Variants in CSNK1A1L observed in about 807,000 individuals in gnomAD.
CSNK1A1L encodes casein kinase 1 alpha 1 like, also known as casein kinase I isoform alpha-like.
Under a neutral mutation model 24.6 loss-of-function variants are expected in CSNK1A1L, and 20 were observed. That is an observed-to-expected ratio of 0.81 (90% CI 0.57 to 1.18). The LOEUF is 1.18. Among genes scored for constraint, CSNK1A1L ranks in the 50% most tolerant of loss-of-function variants. The probability of loss-of-function intolerance (pLI) is 0.00; values close to 1 mark genes in which losing one functional copy is unlikely to be tolerated. For missense variants in CSNK1A1L, 414 were observed against 419.0 expected, an observed-to-expected ratio of 0.99 and a Z score of 0.10; for synonymous variants, 152 against 154.0, an observed-to-expected ratio of 0.99 and a Z score of 0.09.
Position 37,105,252 on chromosome 13 carries a change from G to T in CSNK1A1L, c.5C>A (p.Thr2Lys). M[T>K]NNSGSKAELV... Reference sequence around the variant, plus strand: ...TTCGGCTTTGGAGCCGCTGTTGTTTGTCATCCTGAGAGGCAAAGATGGAGG... The same window carrying T: ...TTCGGCTTTGGAGCCGCTGTTGTTTTTCATCCTGAGAGGCAAAGATGGAGG... Residue 2 changes from threonine to lysine, a missense_variant, in exon 1 of 1, where the codon ACA (threonine) becomes AAA (lysine). Physicochemically the swap from Thr to Lys is moderately conservative, Grantham distance 78. Transcript: ENST00000379800. 1.2e-6 allele frequency: 2 copies of T among 1,612,448 alleles called. No individual in the cohort carries two copies. Among genetic ancestry groups the T allele is most frequent in the South Asian group, 1.1e-5 (1 of 90,780 alleles).
In CSNK1A1L at chr13:37,103,898, A is replaced by G. The variant is rs934179677; in HGVS notation, c.*345T>C. 1 of 347,700 alleles carries G rather than the reference A, an allele frequency of 2.9e-6. No homozygotes were observed. The highest frequency in any genetic ancestry group is 4.5e-5 in the Admixed American group (1 of 22,320). The allele number at this position is 347,700 out of a possible 1,614,324, so 21.5% of individuals were successfully genotyped here. A position where few individuals can be genotyped will look rare whatever the true frequency, so the allele number is the denominator to read the frequency against. ...ATGATATCTCAAAGCAGTCTAGTTCAAAATAAAAGGTTTTAACAAAAAATT... is the reference window on the plus strand; with the variant it reads ...ATGATATCTCAAAGCAGTCTAGTTCGAAATAAAAGGTTTTAACAAAAAATT... On this transcript the variant is annotated 3_prime_UTR_variant, in exon 1 of 1. Coordinates refer to ENST00000379800, the MANE Select transcript of CSNK1A1L (RefSeq NM_145203.6).
rs143150350 is a variant in CSNK1A1L, at chr13:37,105,018, C to T, written c.239G>A (p.Gly80Asp). 1.2e-6 allele frequency: 2 copies of T among 1,614,084 alleles called. No individual in the cohort carries two copies. The highest frequency in any genetic ancestry group is 1.7e-5 in the Admixed American group (1 of 60,012). The change falls in exon 1 of 1, where the codon GGT (glycine) becomes GAT (aspartate). Residue 80 changes from glycine to aspartate, a missense_variant. Physicochemically the swap from Gly to Asp is moderately conservative, Grantham distance 94. Transcript: ENST00000379800. ...GVGIPHMHWY[G>D]QEKDNNVLVM... ...TAGCACATTGTTGTCTTTTTCCTGA[C>T]CATACCAGTGCATGTGGGGGATGCC...
At position 37,103,441 on chromosome 13, in the gene CSNK1A1L, T is replaced by C. The variant is rs1256655082; in HGVS notation, c.*802A>G. ...CAGATTTTAGTGAACTTGTAAAACATAAAAGCTCCCATTTCAAAATATGAA... is the reference window on the plus strand; with the variant it reads ...CAGATTTTAGTGAACTTGTAAAACACAAAAGCTCCCATTTCAAAATATGAA... On this transcript the variant is annotated 3_prime_UTR_variant, in exon 1 of 1. Coordinates refer to ENST00000379800, the MANE Select transcript of CSNK1A1L (RefSeq NM_145203.6). 6.6e-6 allele frequency: 1 copy of C among 152,420 alleles called. No individual in the cohort carries two copies. The highest frequency in any genetic ancestry group is 2.4e-5 in the African/African-American group (1 of 41,448). 9.4% of individuals were successfully genotyped at this position (152,420 alleles called of 1,614,324 possible).
rs913283130 is a variant in CSNK1A1L at position 37,103,767 on chromosome 13, C to T, written c.*476G>A. On this transcript the variant is annotated 3_prime_UTR_variant, in exon 1 of 1. Transcript: ENST00000379800. ...AGAAGCCAACCATTTTAAGAATGCT[C>T]TTTATGTGAACAATTTGCAAACCCC... The T allele has an allele frequency of 1.1e-5, 2 of 177,402 alleles. No individual in the cohort carries two copies. The highest frequency in any genetic ancestry group is 2.4e-5 in the Non-Finnish European group (2 of 82,204). The allele number at this position is 177,402 out of a possible 1,614,324, so 11.0% of individuals were successfully genotyped here. A position where few individuals can be genotyped will look rare whatever the true frequency, so the allele number is the denominator to read the frequency against.
rs1278935418 is a variant in CSNK1A1L at position 37,103,545 on chromosome 13, T to G, written c.*698A>C. On this transcript the variant is annotated 3_prime_UTR_variant, in exon 1 of 1. Coordinates refer to ENST00000379800, the MANE Select transcript of CSNK1A1L (RefSeq NM_145203.6). The stretch of plus-strand genomic sequence containing the variant: ...TACATACATGTTCAGTTGTAAGATG[T>G]TAACTAAATTTCTGTGACAAATATG... 1 of 153,324 alleles carries G rather than the reference T, an allele frequency of 6.5e-6. No individual in the cohort carries two copies. The highest frequency in any genetic ancestry group is 1.5e-5 in the Non-Finnish European group (1 of 68,612). The allele number at this position is 153,324 out of a possible 1,614,324, so 9.5% of individuals were successfully genotyped here.
chr13:37,105,664 A>C lies in CSNK1A1L; in HGVS notation c.-408T>G. On this transcript the variant is annotated 5_prime_UTR_variant, in exon 1 of 1. Transcript: ENST00000379800. The stretch of plus-strand genomic sequence containing the variant: ...GTTCCTCCACCTCAGCCAACCACAA[A>C]TCGAGAATTTTTGGAGAAGCTGTTA... 3.1e-5 allele frequency: 6 copies of C among 191,144 alleles called. No individual in the cohort carries two copies. The highest frequency in any genetic ancestry group is 1.6e-4 in the East Asian group (1 of 6,248). 11.8% of individuals were successfully genotyped at this position (191,144 alleles called of 1,614,324 possible). A position where few individuals can be genotyped will look rare whatever the true frequency, so the allele number is the denominator to read the frequency against.
In CSNK1A1L at chr13:37,105,549, G is replaced by T; in HGVS notation, c.-293C>A. 1 of 371,442 alleles carries T rather than the reference G, an allele frequency of 2.7e-6. No individual in the cohort carries two copies. The allele number at this position is 371,442 out of a possible 1,614,324, so 23.0% of individuals were successfully genotyped here. On this transcript the variant is annotated 5_prime_UTR_variant, in exon 1 of 1. Coordinates refer to ENST00000379800, the MANE Select transcript of CSNK1A1L (RefSeq NM_145203.6). ...GCGATGTCGTGGGCTGAGAAAGGGG[G>T]CACAGCGAGTTGGGGCAGCAGTACT...
In CSNK1A1L at chr13:37,105,336, G is replaced by A. The variant is rs535702378; in HGVS notation, c.-80C>T. On this transcript the variant is annotated 5_prime_UTR_variant, in exon 1 of 1. Transcript: ENST00000379800. ...GGAGGCCTCCGGGGCCCACCGGCCCGCAAGGCTGAGGATGAGGGCTGCTGG... is the reference window on the plus strand; with the variant it reads ...GGAGGCCTCCGGGGCCCACCGGCCCACAAGGCTGAGGATGAGGGCTGCTGG... 136 of 1,472,898 alleles carry A rather than the reference G, an allele frequency of 9.2e-5. No individual in the cohort carries two copies. The highest frequency in any genetic ancestry group is 1.1e-4 in the Non-Finnish European group (121 of 1,088,644). 91.2% of individuals were successfully genotyped at this position (1,472,898 alleles called of 1,614,324 possible).
In CSNK1A1L at chr13:37,105,282, G is replaced by A. The variant is rs758071668; in HGVS notation, c.-26C>T. 30 of 1,601,206 alleles carry A rather than the reference G, an allele frequency of 1.9e-5. No individual in the cohort carries two copies. Among genetic ancestry groups the A allele is most frequent in the Non-Finnish European group, 2.5e-5 (29 of 1,173,422 alleles). ...CCTGAGAGGCAAAGATGGAGGCTGG[G>A]CTCAGCCCTGACCCCTCTAGGGGAG... On this transcript the variant is annotated 5_prime_UTR_variant, in exon 1 of 1. Transcript: ENST00000379800.
chr13:37,104,201 G>T lies in CSNK1A1L; in HGVS notation c.*42C>A, dbSNP rs778522002. 12 of 1,612,166 alleles carry T rather than the reference G, an allele frequency of 7.4e-6. 1 individual carries two copies. In the South Asian group the frequency reaches 1.1e-4, roughly 15 times the overall value. ...CTAGATGTGGGGAGAAACAAATGCT[G>T]CTCGAATCATCTGCTCTGCTTCTTC... On this transcript the variant is annotated 3_prime_UTR_variant, in exon 1 of 1. Transcript: ENST00000379800.
chr13:37,104,295 G>A lies in CSNK1A1L; in HGVS notation c.962C>T (p.Thr321Ile). The change falls in exon 1 of 1, where the codon ACC becomes ATC. Residue 321 changes from threonine (T) to isoleucine (I), a missense_variant. Transcript: ENST00000379800. ...TTTTTCAGTTTGCTTGCCTGTCTGGGTTTGGGCCTGCTGACCCTGCCCACT... is the reference window on the plus strand; with the variant it reads ...TTTTTCAGTTTGCTTGCCTGTCTGGATTTGGGCCTGCTGACCCTGCCCACT... ...SSSGQGQQAQ[T>I]QTGKQTEKNK... is the part of the protein sequence containing the mutation. 1 of 1,614,120 alleles carries A rather than the reference G, an allele frequency of 6.2e-7. No individual in the cohort carries two copies. Among genetic ancestry groups the A allele is most frequent in the South Asian group, 1.1e-5 (1 of 91,082 alleles).
In CSNK1A1L at chr13:37,104,185, G is replaced by C. The variant is rs1455612174; in HGVS notation, c.*58C>G. 9 of 1,605,506 alleles carry C rather than the reference G, an allele frequency of 5.6e-6. No individual in the cohort carries two copies. The highest frequency in any genetic ancestry group is 6.0e-6 in the Non-Finnish European group (7 of 1,172,898). ...ATATGAACTACAATTTCTAGATGTG[G>C]GGAGAAACAAATGCTGCTCGAATCA... On this transcript the variant is annotated 3_prime_UTR_variant, in exon 1 of 1. Transcript: ENST00000379800.
Position 37,105,329 on chromosome 13 carries a change from C to T in CSNK1A1L, c.-73G>A, listed in dbSNP as rs1057479795. The T allele has an allele frequency of 2.0e-6, 3 of 1,510,230 alleles. No individual in the cohort carries two copies. Among genetic ancestry groups the T allele is most frequent in the South Asian group, 2.6e-5 (2 of 76,916 alleles). 93.6% of individuals were successfully genotyped at this position (1,510,230 alleles called of 1,614,324 possible). A position where few individuals can be genotyped will look rare whatever the true frequency, so the allele number is the denominator to read the frequency against. On this transcript the variant is annotated 5_prime_UTR_variant, in exon 1 of 1. It adds an upstream start codon to the 5' untranslated region. Coordinates refer to ENST00000379800, the MANE Select transcript of CSNK1A1L (RefSeq NM_145203.6). ...GGAGGATGGAGGCCTCCGGGGCCCA[C>T]CGGCCCGCAAGGCTGAGGATGAGGG...
In CSNK1A1L at chr13:37,104,676, A is replaced by G; in HGVS notation, c.581T>C (p.Leu194Pro). 2 of 1,614,038 alleles carry G rather than the reference A, an allele frequency of 1.2e-6. No homozygotes were observed. The highest frequency in any genetic ancestry group is 1.7e-6 in the Non-Finnish European group (2 of 1,180,000). Reference sequence around the variant, plus strand: ...ATCTCGGCGGCTCTGCTCAATACCAAGATGTGCATTGATGCTGGCATATCG... The same window carrying G: ...ATCTCGGCGGCTCTGCTCAATACCAGGATGTGCATTGATGCTGGCATATCG... ...TVRYASINAH[L>P]GIEQSRRDDM... is the part of the protein sequence containing the mutation. Residue 194 changes from leucine (L) to proline (P), a missense_variant, in exon 1 of 1, where the codon CTT becomes CCT. Transcript: ENST00000379800.
rs774714492 is a variant in CSNK1A1L at position 37,104,264 on chromosome 13, C to T, written c.993G>A (p.Lys331=). ...ACGCTTAGTTATCTTTCACATTATT[C>T]TTGTTTTTTTCAGTTTGCTTGCCTG... ...TQTGKQTEKN[K]NNVKDN The change falls in exon 1 of 1, where the codon AAG becomes AAA. Residue 331 remains lysine, a synonymous_variant. Transcript: ENST00000379800. 1.5e-5 allele frequency: 25 copies of T among 1,614,196 alleles called. No individual in the cohort carries two copies. In the South Asian group the frequency reaches 2.3e-4, roughly 15 times the overall value.
chr13:37,105,217 C>A, the CSNK1A1L span: 1 of 1,614,190 alleles, frequency 6.2e-7, no homozygotes, highest in Non-Finnish European at 8.5e-7. Flanking sequence ...TATTTCCCTC[C>A]CACAACGAGT....
In CSNK1A1L at chr13:37,104,527, G is replaced by T; in HGVS notation, c.730C>A (p.Pro244Thr). 1 of 1,614,080 alleles carries T rather than the reference G, an allele frequency of 6.2e-7. No homozygotes were observed. Among genetic ancestry groups the T allele is most frequent in the East Asian group, 2.2e-5 (1 of 44,880 alleles). Residue 244 changes from proline to threonine, a missense_variant, in exon 1 of 1, where the codon CCT becomes ACT. By Grantham distance (38) the Pro-to-Thr change is conservative. Transcript: ENST00000379800. The stretch of plus-strand genomic sequence containing the variant: ...AACCCCTTACATAAAACTTCAACAG[G>T]GGTGGACATCTTCTTCTCACTAATC... Reference protein sequence around the residue: ...EKISEKKMSTPVEVLCKGFPA... With the variant: ...EKISEKKMSTTVEVLCKGFPA...
chr13:37,104,764 T>C lies in CSNK1A1L; in HGVS notation c.493A>G (p.Arg165Gly). 2 of 1,614,086 alleles carry C rather than the reference T, an allele frequency of 1.2e-6. No individual in the cohort carries two copies. Among genetic ancestry groups the C allele is most frequent in the Non-Finnish European group, 8.5e-7 (1 of 1,180,022 alleles). The change falls in exon 1 of 1, where the codon AGA (arginine) becomes GGA (glycine). Residue 165 changes from arginine to glycine, a missense_variant. Arg to Gly is a moderately radical substitution (Grantham distance 125, BLOSUM62 -2). Transcript: ENST00000379800. ...LIDFGLAKKYRDNRTRQHIPY... is the reference protein window; with the variant it reads ...LIDFGLAKKYGDNRTRQHIPY... ...ATGTGTTGCCTGGTCCTGTTGTCTC[T>C]GTACTTTTTGGCCAAACCAAAATCA... is the stretch of plus-strand genomic sequence containing the variant.
chr13:37,105,223 C>T lies in CSNK1A1L; in HGVS notation c.34G>A (p.Val12Ile), dbSNP rs759647226. The change falls in exon 1 of 1, where the codon GTT (valine) becomes ATT (isoleucine). Residue 12 changes from valine to isoleucine, a missense_variant. Transcript: ENST00000379800. The part of the protein sequence containing the change: ...TNNSGSKAEL[V>I]VGGKYKLVRK... The stretch of plus-strand genomic sequence containing the variant: ...ACCAGTTTGTATTTCCCTCCCACAA[C>T]GAGTTCGGCTTTGGAGCCGCTGTTG... 17 of 1,614,140 alleles carry T rather than the reference C, an allele frequency of 1.1e-5. No individual in the cohort carries two copies. Among genetic ancestry groups the T allele is most frequent in the Admixed American group, 3.3e-5 (2 of 60,024 alleles).
Sources: gnomAD v4.1 joint callset for allele counts on GRCh38, gnomAD v4.1.1 for gene constraint, MANE v1.5 for transcripts, NCBI Gene and HGNC (gene_info 2026-07-23, HGNC 2026-07-21) for gene names.